CHRM3: variants seen among roughly 807,000 people sequenced by gnomAD.
CHRM3 encodes cholinergic receptor muscarinic 3, also known as muscarinic acetylcholine receptor M3.
Under a neutral mutation model 41.8 loss-of-function variants are expected in CHRM3, and 11 were observed. The ratio of observed to expected loss-of-function variants is 0.26; its 90% confidence interval spans 0.17 to 0.44. CHRM3 has a LOEUF of 0.44. Among genes scored for constraint, CHRM3 ranks in the 20% least tolerant of loss-of-function variants. The probability of loss-of-function intolerance (pLI) is 1.00; values close to 1 mark genes in which losing one functional copy is unlikely to be tolerated. For synonymous variants in CHRM3, 297 were observed against 301.4 expected (o/e 0.99, Z 0.15); for missense variants, 571 against 745.4 (o/e 0.77, Z 2.72).
chr1:239,572,359 A>G (rs552751500), intron 3 of CHRM3, among the ~76,000 whole-genome samples: 1 of 152,230 alleles, frequency 6.6e-6, no homozygotes, highest in Non-Finnish European at 1.5e-5. Context: ...GGTAACAGAT[A>G]TTACTAATTT....
At chr1:239,856,375 A>G (rs1191392114) in intron 6 of CHRM3, among the ~76,000 whole-genome samples, 1 of 152,130 alleles carries the variant, frequency 6.6e-6, no homozygotes, top group African/African-American at 2.4e-5. Flanking sequence ...GTGCTGTCTC[A>G]TGAGTGAGTT....
intron 4 of CHRM3, among the ~76,000 whole-genome samples, chr1:239,670,458 G>T (rs1240911542): frequency 6.6e-6 from 1 of 151,972 alleles, no homozygotes; most frequent in Non-Finnish European, 1.5e-5. Flanking sequence ...AGATTCCATT[G>T]CATGACAGTA....
At chr1:239,710,029 A>G (rs1487227458) in intron 5 of CHRM3, among the ~76,000 whole-genome samples, 1 of 152,172 alleles carries the variant, frequency 6.6e-6, no homozygotes, top group Non-Finnish European at 1.5e-5. Context: ...ACTGATTGTG[A>G]TGCTTCTAAT....
chr1:239,599,016 A>G (rs1665160152), intron 3 of CHRM3, among the ~76,000 whole-genome samples: 1 of 151,840 alleles, frequency 6.6e-6, no homozygotes. Flanking sequence ...CTGGGATCTT[A>G]TTTCTCTCCT....
At chr1:239,532,966 A>G (rs1657804275) in intron 2 of CHRM3, among the ~76,000 whole-genome samples, 1 of 152,208 alleles carries the variant, frequency 6.6e-6, no homozygotes, top group Non-Finnish European at 1.5e-5. Context: ...AAAACCTTCA[A>G]TTAAATAATT....
intron 6 of CHRM3, among the ~76,000 whole-genome samples, chr1:239,889,683 A>G (rs1216584517): frequency 6.6e-6 from 1 of 152,154 alleles, no homozygotes; most frequent in East Asian, 1.9e-4. Flanking sequence ...TTCAGGAGAG[A>G]TGATGTTTCA....
chr1:239,531,085 GT>G (rs1359740750), intron 2 of CHRM3, among the ~76,000 whole-genome samples: 2 of 152,054 alleles, frequency 1.3e-5, no homozygotes, highest in African/African-American at 4.8e-5. Context: ...AAATTAAAAT[GT>G]TTATTAGAGA....
intron 1 of CHRM3, among the ~76,000 whole-genome samples, chr1:239,389,065 T>C (rs1026647219): frequency 3.3e-5 from 5 of 152,232 alleles, no homozygotes; most frequent in Admixed American, 1.3e-4. Flanking sequence ...TGTCGAAATA[T>C]TGTTTTTTAA....
intron 2 of CHRM3, among the ~76,000 whole-genome samples, chr1:239,519,537 G>T (rs1031615469): frequency 6.6e-6 from 1 of 152,040 alleles, no homozygotes; most frequent in Non-Finnish European, 1.5e-5. Context: ...CTGGGTTAAG[G>T]CAGGCACAAG....
intron 1 of CHRM3, among the ~76,000 whole-genome samples, chr1:239,439,542 A>T (rs1663541966): frequency 6.6e-6 from 1 of 152,196 alleles, no homozygotes; most frequent in South Asian, 2.1e-4. Context: ...GGGTCAAAGA[A>T]GGGTGAGAAA....
intron 6 of CHRM3, among the ~76,000 whole-genome samples, chr1:239,876,736 G>A (rs925265156): frequency 7.2e-5 from 11 of 152,166 alleles, no homozygotes; most frequent in Non-Finnish European, 1.3e-4. Context: ...CAGAAAGTAG[G>A]AAGCCAATTG....
chr1:239,502,321 C>G (rs192032536), intron 2 of CHRM3, among the ~76,000 whole-genome samples: 2 of 152,076 alleles, frequency 1.3e-5, no homozygotes, highest in African/African-American at 4.8e-5. Context: ...GCACATAAAC[C>G]AGAAAACCTA....
At chr1:239,794,667 A>G (rs1274121822) in intron 5 of CHRM3, among the ~76,000 whole-genome samples, 1 of 152,180 alleles carries the variant, frequency 6.6e-6, no homozygotes, top group African/African-American at 2.4e-5. Context: ...CTTATTTCAG[A>G]TCTAACTCCA....
intron 2 of CHRM3, among the ~76,000 whole-genome samples, chr1:239,517,582 A>G (rs1211429163): frequency 6.6e-6 from 1 of 152,218 alleles, no homozygotes; most frequent in African/African-American, 2.4e-5. Flanking sequence ...TGAGGTTTTC[A>G]ATTACCAGTC....
intron 5 of CHRM3, among the ~76,000 whole-genome samples, chr1:239,763,312 T>TTCC (rs552026818): frequency 9.3e-4 from 141 of 152,356 alleles, no homozygotes; most frequent in African/African-American, 3.2e-3. Flanking sequence ...ACTAACTGCT[T>TTCC]TTAAGGCATG....
intron 1 of CHRM3, among the ~76,000 whole-genome samples, chr1:239,467,695 CTTTAT>C (rs1056525945): frequency 7.9e-5 from 12 of 152,280 alleles, no homozygotes; most frequent in African/African-American, 2.4e-4. Context: ...TACCTATTGG[CTTTAT>C]TTTAAAGTGC....
chr1:239,806,443 C>CACACACA (rs397945228), intron 5 of CHRM3, among the ~76,000 whole-genome samples: 5 of 146,024 alleles, frequency 3.4e-5, no homozygotes, highest in East Asian at 2.1e-4. Flanking sequence ...CACACACACA[C>CACACACA]CCCTGTGGAC....
intron 5 of CHRM3, among the ~76,000 whole-genome samples, chr1:239,821,258 G>A (rs1344701769): frequency 6.6e-6 from 1 of 152,172 alleles, no homozygotes; most frequent in South Asian, 2.1e-4. Context: ...AGTCTCTAAT[G>A]AGACATATAC....
intron 5 of CHRM3, among the ~76,000 whole-genome samples, chr1:239,686,966 ATAT>A (rs988935220): frequency 6.6e-6 from 1 of 152,158 alleles, no homozygotes; most frequent in African/African-American, 2.4e-5. Flanking sequence ...AATTTACTTC[ATAT>A]TATTAACATA....
Sources: allele counts gnomAD v4.1 joint callset (sites outside exome capture counted in the v4.1 genomes callset), GRCh38; gene constraint gnomAD v4.1.1; transcripts MANE v1.5; gene names NCBI Gene and HGNC (gene_info 2026-07-23, HGNC 2026-07-21).